Variants in TCF12 observed in about 807,000 individuals in gnomAD.
TCF12 encodes transcription factor 12, also known as DNA-binding protein HTF4.
Under a neutral mutation model 86.0 loss-of-function variants are expected in TCF12, and 45 were observed. That is an observed-to-expected ratio of 0.52 (90% CI 0.41 to 0.67). The LOEUF (loss-of-function observed/expected upper bound fraction) is 0.67, where lower values mean the gene tolerates loss of function less well. Ranked by LOEUF, TCF12 falls within the 30% of genes least tolerant of loss-of-function variation. TCF12 has a pLI of 0.00. For missense variants in TCF12, 881 were observed against 859.9 expected, an observed-to-expected ratio of 1.02 and a Z score of -0.31; for synonymous variants, 330 against 299.6, an observed-to-expected ratio of 1.10 and a Z score of -1.05.
At chr15:57,120,563 C>T (rs1321152619) in intron 5 of TCF12, among the ~76,000 whole-genome samples, 3 of 152,172 alleles carry the variant, frequency 2.0e-5, no homozygotes, top group African/African-American at 7.2e-5. Flanking sequence ...ATCTGTCTCT[C>T]CTGTTAGGTT....
chr15:57,249,230 A>G (rs2059997410), intron 13 of TCF12, among the ~76,000 whole-genome samples: 1 of 152,174 alleles, frequency 6.6e-6, no homozygotes, highest in Non-Finnish European at 1.5e-5. Context: ...TCATATAGTC[A>G]GTTATTGAGA....
At chr15:57,123,255 T>C (rs1290070280) in intron 5 of TCF12, among the ~76,000 whole-genome samples, 1 of 152,236 alleles carries the variant, frequency 6.6e-6, no homozygotes, top group Non-Finnish European at 1.5e-5. Flanking sequence ...AGTCTGAGGC[T>C]TTTGCAATAG....
At chr15:56,982,623 A>G (rs75161163) in intron 3 of TCF12, among the ~76,000 whole-genome samples, 213 of 152,292 alleles carry the variant, frequency 1.4e-3, no homozygotes, top group Non-Finnish European at 2.1e-3. Flanking sequence ...TTTTTAAAAG[A>G]AAAAAATTAA....
intron 4 of TCF12, among the ~76,000 whole-genome samples, chr15:57,087,568 A>G (rs1340554880): frequency 1.3e-5 from 2 of 152,148 alleles, no homozygotes; most frequent in Non-Finnish European, 2.9e-5. Flanking sequence ...AGAGAAAAGT[A>G]TGAAATCTAC....
At chr15:56,978,267 T>C (rs2140852061) in intron 3 of TCF12, among the ~76,000 whole-genome samples, 1 of 152,204 alleles carries the variant, frequency 6.6e-6, no homozygotes, top group Admixed American at 6.5e-5. Context: ...TTAGTGAAAA[T>C]AGTGAAAAGA....
chr15:57,117,443 A>G (rs1289854657), intron 5 of TCF12, among the ~76,000 whole-genome samples: 1 of 152,222 alleles, frequency 6.6e-6, no homozygotes, highest in Non-Finnish European at 1.5e-5. Flanking sequence ...TTTGACAGAA[A>G]ATAGCCTCAA....
chr15:57,286,339 G>C lies in TCF12; in HGVS notation c.*194G>C. On this transcript the variant is annotated 3_prime_UTR_variant, in exon 21 of 21. Transcript: ENST00000333725. Reference sequence around the variant, plus strand: ...GGTCAACACTTCCATCAGAAGTGAAGATAGGAAGCTCATCAGATAGAACAT... The same window carrying C: ...GGTCAACACTTCCATCAGAAGTGAACATAGGAAGCTCATCAGATAGAACAT... 4.7e-6 allele frequency: 1 copy of C among 214,032 alleles called. No individual in the cohort carries two copies. The highest frequency in any genetic ancestry group is 9.6e-6 in the Non-Finnish European group (1 of 104,292). 13.3% of individuals were successfully genotyped at this position (214,032 alleles called of 1,614,324 possible). A position where few individuals can be genotyped will look rare whatever the true frequency, so the allele number is the denominator to read the frequency against.
rs2058481476 is a variant in TCF12 at position 57,219,525 on chromosome 15, T to C, written c.580-11627T>C. 2.5e-6 allele frequency: 4 copies of C among 1,612,828 alleles called. No homozygotes were observed. Among genetic ancestry groups the C allele is most frequent in the East Asian group, 2.2e-5 (1 of 44,828 alleles). Reference sequence around the variant, plus strand: ...TAGTAACATTTTCAAAATCAACATGTATTGTGCTTATCCTGTCCCTGGAAT... The same window carrying C: ...TAGTAACATTTTCAAAATCAACATGCATTGTGCTTATCCTGTCCCTGGAAT... On this transcript the variant is annotated intron_variant, in intron 8 of 20. Transcript: ENST00000333725.
intron 8 of TCF12, among the ~76,000 whole-genome samples, chr15:57,198,195 G>A (rs145121022): frequency 6.6e-6 from 1 of 152,148 alleles, no homozygotes; most frequent in Non-Finnish European, 1.5e-5. Flanking sequence ...GAAAATCTTA[G>A]AAATTTACAT....
At chr15:57,121,174 A>G (rs973051577) in intron 5 of TCF12, among the ~76,000 whole-genome samples, 3 of 152,226 alleles carry the variant, frequency 2.0e-5, no homozygotes, top group African/African-American at 4.8e-5. Flanking sequence ...GTGAGGCTAC[A>G]TGACTGACGT....
chr15:57,232,500 G>A, intron 10 of TCF12, 70 bp downstream of exon 10: 8 of 1,523,276 alleles, frequency 5.3e-6, no homozygotes, highest in Non-Finnish European at 7.0e-6. Flanking sequence ...TGGATTAGAA[G>A]TGTAAAATCT....
chr15:57,277,074 G>GA (rs1395013015), intron 19 of TCF12, among the ~76,000 whole-genome samples: 1 of 152,020 alleles, frequency 6.6e-6, no homozygotes, highest in African/African-American at 2.4e-5. Context: ...TCAAAGTGCT[G>GA]AGATCACAGA....
chr15:57,128,161 G>A (rs1421412078), intron 5 of TCF12, among the ~76,000 whole-genome samples: 1 of 152,070 alleles, frequency 6.6e-6, no homozygotes, highest in African/African-American at 2.4e-5. Flanking sequence ...TGGGCTGTTA[G>A]TAAGTCCATT....
intron 3 of TCF12, among the ~76,000 whole-genome samples, chr15:56,939,365 AATT>A (rs1171094936): frequency 6.6e-6 from 1 of 152,108 alleles, no homozygotes; most frequent in Non-Finnish European, 1.5e-5. Context: ...GAGTGCAACT[AATT>A]ATTGTATAAT....
At chr15:57,028,476 C>A (rs2065955376) in intron 3 of TCF12, among the ~76,000 whole-genome samples, 1 of 152,144 alleles carries the variant, frequency 6.6e-6, no homozygotes, top group African/African-American at 2.4e-5. Context: ...CGATGTTGGA[C>A]ATTTTTTCAT....
At chr15:56,954,947 T>TTGGTGGGAC (rs1276000967) in intron 3 of TCF12, among the ~76,000 whole-genome samples, 4 of 152,316 alleles carry the variant, frequency 2.6e-5, no homozygotes, top group African/African-American at 9.6e-5. Context: ...TTTTACACTG[T>TTGGTGGGAC]TGGTGGGACC....
At chr15:57,144,275 C>T (rs1472813203) in intron 5 of TCF12, among the ~76,000 whole-genome samples, 1 of 152,124 alleles carries the variant, frequency 6.6e-6, no homozygotes, top group African/African-American at 2.4e-5. Flanking sequence ...AGATACGAGG[C>T]ACATTCTAAG....
At chr15:56,922,596 G>A (rs1297693760) in intron 3 of TCF12, among the ~76,000 whole-genome samples, 1 of 151,958 alleles carries the variant, frequency 6.6e-6, no homozygotes, top group Non-Finnish European at 1.5e-5. Flanking sequence ...ATTGCGAATG[G>A]TCACCATATT....
chr15:57,170,642 AATATATATAT>A (rs2055261057), intron 6 of TCF12, among the ~76,000 whole-genome samples: 2 of 31,322 alleles, frequency 6.4e-5, no homozygotes, highest in Non-Finnish European at 9.2e-5. Flanking sequence ...ATATATATAT[AATATATATAT>A]TATATAAAAT....
Sources: allele counts gnomAD v4.1 joint callset (sites outside exome capture counted in the v4.1 genomes callset), GRCh38; gene constraint gnomAD v4.1.1; transcripts MANE v1.5; gene names NCBI Gene and HGNC (gene_info 2026-07-23, HGNC 2026-07-21).